ZNF695: variants seen among roughly 807,000 people sequenced by gnomAD.
ZNF695 encodes zinc finger protein 695, also known as zinc finger protein SBZF3.
ZNF695 carries 11 observed loss-of-function variants against 11.2 expected under a neutral mutation model. The observed-to-expected ratio is 0.98, with a 90% CI of 0.62 to 1.62. The LOEUF (loss-of-function observed/expected upper bound fraction) is 1.62, where lower values mean the gene tolerates loss of function less well. ZNF695 is among the 40% of genes most tolerant of loss of function. ZNF695 has a pLI of 0.00. For synonymous variants in ZNF695, 190 were observed against 201.4 expected, an observed-to-expected ratio of 0.94 and a Z score of 0.48; for missense variants, 559 against 590.5, an observed-to-expected ratio of 0.95 and a Z score of 0.55.
At chr1:246,971,605 C>A (rs1668428024) in intron 4 of ZNF695, among the ~76,000 whole-genome samples, 1 of 152,194 alleles carries the variant, frequency 6.6e-6, no homozygotes, top group South Asian at 2.1e-4. Flanking sequence ...CTTCTGGTCG[C>A]TTCTCACTGT....
intron 5 of ZNF695, among the ~76,000 whole-genome samples, chr1:246,959,310 A>AAAAAAATATAT: frequency 2.0e-5 from 1 of 51,250 alleles, no homozygotes; most frequent in Non-Finnish European, 3.2e-5. Context: ...AAAAAAAAAA[A>AAAAAAATATAT]ATATATATAT....
intron 3 of ZNF695, among the ~76,000 whole-genome samples, chr1:246,988,874 A>C (rs1668936734): frequency 6.6e-6 from 1 of 151,906 alleles, no homozygotes; most frequent in African/African-American, 2.4e-5. Context: ...GCGGATCACG[A>C]GGTCAGGAGA....
At chr1:246,948,957 A>G (rs1667805168) in intron 5 of ZNF695, among the ~76,000 whole-genome samples, 1 of 152,172 alleles carries the variant, frequency 6.6e-6, no homozygotes, top group Non-Finnish European at 1.5e-5. Context: ...CAATACCTAG[A>G]ATACTGCCAG....
intron 5 of ZNF695, among the ~76,000 whole-genome samples, chr1:246,955,847 G>A (rs1667981181): frequency 6.6e-6 from 1 of 152,132 alleles, no homozygotes; most frequent in Admixed American, 6.6e-5. Context: ...AAGTGAATAT[G>A]ATGCTCACAA....
intron 5 of ZNF695, among the ~76,000 whole-genome samples, chr1:246,949,470 A>G (rs886745143): frequency 1.8e-4 from 27 of 152,142 alleles, no homozygotes; most frequent in Admixed American, 9.8e-4. Flanking sequence ...ACATGCCTTT[A>G]GTCCCAGCTA....
Position 246,994,764 on chromosome 1 carries a change from G to A in ZNF695, c.259+4584C>T, listed in dbSNP as rs576082409. On this transcript the variant is annotated intron_variant, in intron 3 of 3. Coordinates refer to ENST00000339986, the MANE Select transcript of ZNF695 (RefSeq NM_020394.5). ...AGGCAGGAGAATGGCGTGAACCCGGGAGGCAGAGCTTGCAGTGAGCCAAGA... is the reference window on the plus strand; with the variant it reads ...AGGCAGGAGAATGGCGTGAACCCGGAAGGCAGAGCTTGCAGTGAGCCAAGA... 2.6e-4 allele frequency among the ~76,000 whole-genome samples: 39 copies of A among 152,256 alleles called. No individual in the cohort carries two copies. In the East Asian group the frequency reaches 4.1e-3, roughly 16 times the overall value.
intron 3 of ZNF695, 87 bp downstream of exon 3, chr1:246,999,261 A>C: frequency 8.5e-5 from 91 of 1,066,602 alleles, no homozygotes; most frequent in Middle Eastern, 2.0e-4. Flanking sequence ...TCCTGGGAGT[A>C]GAGCTTCCCA....
intron 3 of ZNF695, among the ~76,000 whole-genome samples, chr1:246,994,028 T>C (rs1422076594): frequency 6.6e-6 from 1 of 151,754 alleles, no homozygotes; most frequent in African/African-American, 2.4e-5. Context: ...ACAAAAAAAT[T>C]AGCTGGGCGT....
chr1:246,965,475 G>A (rs1405716248), intron 5 of ZNF695, among the ~76,000 whole-genome samples: 3 of 152,056 alleles, frequency 2.0e-5, no homozygotes, highest in East Asian at 1.9e-4. Context: ...GGTGGCTCAC[G>A]CCTGTAATCC....
At chr1:246,956,044 A>G (rs1667987051) in intron 5 of ZNF695, among the ~76,000 whole-genome samples, 1 of 149,082 alleles carries the variant, frequency 6.7e-6, no homozygotes. Context: ...GCTAGAGTAC[A>G]GTGGCATGAT....
At chr1:246,983,203 C>CAA (rs765876016), downstream of ZNF695, among the ~76,000 whole-genome samples, 8 of 95,746 alleles carry the variant, frequency 8.4e-5, no homozygotes, top group African/African-American at 1.5e-4. Context: ...GACTCTGTCT[C>CAA]AAAAAAAAAA....
At chr1:246,949,777 T>C (rs1021228599) in intron 5 of ZNF695, among the ~76,000 whole-genome samples, 1 of 151,944 alleles carries the variant, frequency 6.6e-6, no homozygotes, top group South Asian at 2.1e-4. Context: ...TTTTGAGATA[T>C]AATTTTTTTT....
At position 246,986,458 on chromosome 1, in the gene ZNF695, C is replaced by A; in HGVS notation, c.*509G>T. On this transcript the variant is annotated 3_prime_UTR_variant, in exon 4 of 4. Transcript: ENST00000339986. ...TTAACTTTGAATTATTCTCTATAAC[C>A]AACACTCAGATTTACAGTAATGTCT... 1 of 985,858 alleles carries A rather than the reference C, an allele frequency of 1.0e-6. No individual in the cohort carries two copies. Among genetic ancestry groups the A allele is most frequent in the Non-Finnish European group, 1.2e-6 (1 of 830,202 alleles). The allele number at this position is 985,858 out of a possible 1,614,324, so 61.1% of individuals were successfully genotyped here.
At chr1:246,975,144 A>T (rs1294485945) in intron 4 of ZNF695, among the ~76,000 whole-genome samples, 1 of 152,192 alleles carries the variant, frequency 6.6e-6, no homozygotes, top group Non-Finnish European at 1.5e-5. Context: ...TGAGTTCCAT[A>T]GGCTAAGGAT....
At chr1:246,976,811 A>AATAC (rs1668581010) in intron 4 of ZNF695, among the ~76,000 whole-genome samples, 1 of 152,210 alleles carries the variant, frequency 6.6e-6, no homozygotes, top group Non-Finnish European at 1.5e-5. Flanking sequence ...TAAATAAATA[A>AATAC]ATAAATAACA....
At position 246,987,329 on chromosome 1, in the gene ZNF695, T is replaced by C. The variant is rs77178548; in HGVS notation, c.1186A>G (p.Ile396Val). 5.2e-3 allele frequency: 8,397 copies of C among 1,613,524 alleles called. 403 individuals carry two copies. The African/African-American group carries it at 0.1, about 19-fold the overall frequency. The change falls in exon 4 of 4, where the codon ATT becomes GTT. Residue 396 changes from isoleucine to valine, a missense_variant. By Grantham distance (29) the Ile-to-Val change is conservative. Transcript: ENST00000339986. ...GKAFTWFSYL[I>V]QHKRIHTGQK... ...CCAGTATGAATTCTCTTATGCTGAA[T>C]AAGGTATGAGAACCAGGTAAAAGCT...
chr1:247,005,835 A>G (rs1044354661), intron 1 of ZNF695, among the ~76,000 whole-genome samples: 1 of 152,254 alleles, frequency 6.6e-6, no homozygotes, highest in Non-Finnish European at 1.5e-5. Context: ...TATCCAGGAC[A>G]CTGGCTGAGT....
intron 5 of ZNF695, among the ~76,000 whole-genome samples, chr1:246,965,292 G>C (rs1423841752): frequency 6.6e-6 from 1 of 150,820 alleles, no homozygotes; most frequent in African/African-American, 2.4e-5. Context: ...GGGAGGCGGA[G>C]CTTGCAGTGA....
chr1:246,981,084 A>G (rs1480269119), downstream of ZNF695, among the ~76,000 whole-genome samples: 2 of 152,256 alleles, frequency 1.3e-5, no homozygotes, highest in Non-Finnish European at 2.9e-5. Context: ...AAATATCTAA[A>G]TATGTTTTTC....
Sources: gnomAD v4.1 joint callset for allele counts (sites outside exome capture counted in the v4.1 genomes callset) on GRCh38, gnomAD v4.1.1 for gene constraint, MANE v1.5 for transcripts, NCBI Gene and HGNC (gene_info 2026-07-23, HGNC 2026-07-21) for gene names.